Variants in CDKAL1 observed in about 807,000 individuals in gnomAD.
The protein encoded by CDKAL1 is threonylcarbamoyladenosine tRNA methylthiotransferase.
In CDKAL1, 32 loss-of-function variants were observed where a neutral mutation model predicts 68.2. That is an observed-to-expected ratio of 0.47 (90% confidence interval 0.35 to 0.63). The LOEUF (loss-of-function observed/expected upper bound fraction) is 0.63, where lower values mean the gene tolerates loss of function less well. CDKAL1 is among the 30% of genes least tolerant of loss of function. The pLI, the probability that CDKAL1 is intolerant of heterozygous loss-of-function variation, is 0.00. For missense variants in CDKAL1, 606 were observed against 696.7 expected, an observed-to-expected ratio of 0.87 and a Z score of 1.47; for synonymous variants, 234 against 244.3, an observed-to-expected ratio of 0.96 and a Z score of 0.39.
In CDKAL1 at chr6:20,664,959, T is replaced by A. The variant is rs1769457552; in HGVS notation, c.371+15582T>A. Among the ~76,000 whole-genome samples, 2 of 152,110 alleles carry A rather than the reference T, an allele frequency of 1.3e-5. 1 individual carries two copies. The highest frequency in any genetic ancestry group is 4.1e-4 in the South Asian group (2 of 4,824). On this transcript the variant is annotated intron_variant, in intron 5 of 15. Transcript: ENST00000274695. Reference sequence around the variant, plus strand: ...ATTTTCGATCCCCTCATTGTCACACTGCCTAAATAACTTTGAACAACCGTG... The same window carrying A: ...ATTTTCGATCCCCTCATTGTCACACAGCCTAAATAACTTTGAACAACCGTG...
intron 5 of CDKAL1, among the ~76,000 whole-genome samples, chr6:20,692,610 AG>A (rs1474515293): frequency 1.3e-5 from 2 of 152,334 alleles, no homozygotes. Context: ...AAATCATGGT[AG>A]AAAGCTTGAT....
At chr6:21,162,867 G>T (rs184723695) in intron 13 of CDKAL1, among the ~76,000 whole-genome samples, 1 of 152,284 alleles carries the variant, frequency 6.6e-6, no homozygotes, top group East Asian at 1.9e-4. Context: ...GTTTGAGGCT[G>T]TAGTGTGCAA....
At chr6:20,759,951 C>T (rs1196738774) in intron 7 of CDKAL1, among the ~76,000 whole-genome samples, 1 of 151,820 alleles carries the variant, frequency 6.6e-6, no homozygotes, top group African/African-American at 2.4e-5. Flanking sequence ...CTCCACGTGC[C>T]AAACTGGAAA....
At chr6:21,104,290 A>C (rs1364855184) in intron 12 of CDKAL1, among the ~76,000 whole-genome samples, 2 of 152,200 alleles carry the variant, frequency 1.3e-5, no homozygotes, top group East Asian at 3.8e-4. Flanking sequence ...CCAATGTTTC[A>C]GTATATAGGT....
chr6:21,062,403 A>G (rs1285775446), intron 11 of CDKAL1, among the ~76,000 whole-genome samples: 1 of 152,234 alleles, frequency 6.6e-6, no homozygotes, highest in Non-Finnish European at 1.5e-5. Flanking sequence ...TACATGCTTT[A>G]GTCTACAAAA....
At position 21,143,287 on chromosome 6, in the gene CDKAL1, A is replaced by G. The variant is rs536652395; in HGVS notation, c.1299+34824A>G. On this transcript the variant is annotated intron_variant, in intron 13 of 15. Transcript: ENST00000274695. ...AAACACACACAGTAACAAATCTCTC[A>G]AAGTTTGTTTTTCTCTCAACGTTTC... Among the ~76,000 whole-genome samples the G allele has an allele frequency of 1.2e-4, 19 of 152,304 alleles. No individual in the cohort carries two copies. The East Asian group carries it at 3.1e-3, about 25-fold the overall frequency.
At chr6:21,142,927 A>AAT (rs1775991462) in intron 13 of CDKAL1, among the ~76,000 whole-genome samples, 1 of 152,230 alleles carries the variant, frequency 6.6e-6, no homozygotes, top group Non-Finnish European at 1.5e-5. Flanking sequence ...GATAAAACTC[A>AAT]TAAGCTTTAC....
At chr6:20,712,194 AAG>A (rs1240654072) in intron 5 of CDKAL1, among the ~76,000 whole-genome samples, 1 of 152,172 alleles carries the variant, frequency 6.6e-6, no homozygotes, top group Non-Finnish European at 1.5e-5. Context: ...CACAGAAACC[AAG>A]AGAGAGTGGT....
At chr6:21,018,134 C>T (rs1768443098) in intron 11 of CDKAL1, among the ~76,000 whole-genome samples, 1 of 152,114 alleles carries the variant, frequency 6.6e-6, no homozygotes, top group African/African-American at 2.4e-5. Context: ...TTTGGTGTAC[C>T]AGCAGAAAGG....
intron 4 of CDKAL1, among the ~76,000 whole-genome samples, chr6:20,572,184 G>A (rs1398286640): frequency 6.6e-6 from 1 of 152,088 alleles, no homozygotes; most frequent in Non-Finnish European, 1.5e-5. Context: ...ACCCATGAAA[G>A]CAACTAAATT....
intron 9 of CDKAL1, among the ~76,000 whole-genome samples, chr6:20,933,644 T>C (rs1410304711): frequency 1.3e-5 from 2 of 152,244 alleles, no homozygotes; most frequent in Non-Finnish European, 2.9e-5. Flanking sequence ...TGAAGCATTT[T>C]GTAACTAATT....
At chr6:20,931,021 G>A (rs890228217) in intron 9 of CDKAL1, among the ~76,000 whole-genome samples, 23 of 152,114 alleles carry the variant, frequency 1.5e-4, no homozygotes, top group African/African-American at 5.6e-4. Context: ...GGGATTACAG[G>A]CGTGAGCCAC....
Position 21,095,710 on chromosome 6 carries a change from A to T in CDKAL1, c.1237-12691A>T, listed in dbSNP as rs184231825. On this transcript the variant is annotated intron_variant, in intron 12 of 15. Transcript: ENST00000274695. Reference sequence around the variant, plus strand: ...TGTAGTATCCCTTGCTCTACAACATAAAAAAGAAAATCAACTGATTTCTGA... The same window carrying T: ...TGTAGTATCCCTTGCTCTACAACATTAAAAAGAAAATCAACTGATTTCTGA... 4.0e-3 allele frequency among the ~76,000 whole-genome samples: 611 copies of T among 152,268 alleles called. 5 individuals carry two copies. Among genetic ancestry groups the T allele is most frequent in the African/African-American group, 0.014 (582 of 41,550 alleles).
chr6:20,869,326 AT>A (rs1220428823), intron 9 of CDKAL1, among the ~76,000 whole-genome samples: 15 of 152,224 alleles, frequency 9.9e-5, no homozygotes, highest in Non-Finnish European at 2.9e-5. Flanking sequence ...AAAATAGAGT[AT>A]TTGTTTGATT....
chr6:20,742,154 CTGTT>C (rs1773486516), intron 6 of CDKAL1, among the ~76,000 whole-genome samples: 1 of 151,980 alleles, frequency 6.6e-6, no homozygotes, highest in African/African-American at 2.4e-5. Flanking sequence ...TTTAATAGGG[CTGTT>C]TGTTTTTTCT....
intron 12 of CDKAL1, among the ~76,000 whole-genome samples, chr6:21,092,218 T>A (rs372991111): frequency 7.3e-6 from 1 of 137,182 alleles, no homozygotes; most frequent in Non-Finnish European, 1.6e-5. Context: ...TTTTTTTTTT[T>A]CTGGGTCGGG....
chr6:20,953,638 A>G (rs188900952), intron 9 of CDKAL1, among the ~76,000 whole-genome samples: 1 of 152,334 alleles, frequency 6.6e-6, no homozygotes, highest in Admixed American at 6.5e-5. Flanking sequence ...AATATTAAAG[A>G]TGATACCACT....
intron 11 of CDKAL1, among the ~76,000 whole-genome samples, chr6:21,054,130 T>C (rs1240476484): frequency 6.6e-6 from 1 of 152,184 alleles, no homozygotes; most frequent in African/African-American, 2.4e-5. Flanking sequence ...TTTTTGTGTA[T>C]AATGTAAGGT....
intron 13 of CDKAL1, among the ~76,000 whole-genome samples, chr6:21,172,521 G>C (rs577594884): frequency 6.6e-6 from 1 of 152,180 alleles, no homozygotes; most frequent in African/African-American, 2.4e-5. Flanking sequence ...AGGCAGAGGC[G>C]GGCAGATCGC....
Sources: gnomAD v4.1 joint callset for allele counts (sites outside exome capture counted in the v4.1 genomes callset) on GRCh38, gnomAD v4.1.1 for gene constraint, MANE v1.5 for transcripts, NCBI Gene and HGNC (gene_info 2026-07-23, HGNC 2026-07-21) for gene names.